SLC6A18: variants seen among roughly 807,000 people sequenced by gnomAD.
SLC6A18 encodes solute carrier family 6 member 18.
In SLC6A18, 58 loss-of-function variants were observed where a neutral mutation model predicts 62.9. That is an observed-to-expected ratio of 0.92 (90% CI 0.75 to 1.15). The LOEUF (loss-of-function observed/expected upper bound fraction) is 1.15, where lower values mean the gene tolerates loss of function less well. SLC6A18 is among the 50% of genes most tolerant of loss of function. The pLI, the probability that SLC6A18 is intolerant of heterozygous loss-of-function variation, is 0.00. For synonymous variants in SLC6A18, 382 were observed against 365.8 expected, an observed-to-expected ratio of 1.04 and a Z score of -0.51; for missense variants, 793 against 836.6, an observed-to-expected ratio of 0.95 and a Z score of 0.64.
intron 3 of SLC6A18, among the ~76,000 whole-genome samples, chr5:1,233,651 A>G (rs1746796631): frequency 7.1e-6 from 1 of 140,678 alleles, no homozygotes; most frequent in African/African-American, 2.7e-5. Context: ...TGGTGCAAGC[A>G]TGGCTCACTG....
Position 1,240,667 on chromosome 5 carries a change from C to T in SLC6A18, c.974+8C>T, listed in dbSNP as rs1296589251. ...CGAGCACTGCCTGGACAGGTGAGCA[C>T]AGGTGCCGCGCCTGGCTCTGTGGGG... is the stretch of plus-strand genomic sequence containing the variant. On this transcript the variant is annotated splice_region_variant and intron_variant, in intron 7 of 11. Transcript: ENST00000324642. 6.2e-7 allele frequency: 1 copy of T among 1,613,336 alleles called. No individual in the cohort carries two copies. The highest frequency in any genetic ancestry group is 1.1e-5 in the South Asian group (1 of 91,044).
intron 3 of SLC6A18, among the ~76,000 whole-genome samples, chr5:1,234,970 G>A (rs1316344213): frequency 6.6e-6 from 1 of 152,234 alleles, no homozygotes; most frequent in Non-Finnish European, 1.5e-5. Flanking sequence ...TGTCACGGGA[G>A]CCTGCTGTTG....
At chr5:1,229,012 C>T (rs759947407) in intron 1 of SLC6A18, among the ~76,000 whole-genome samples, 1 of 152,234 alleles carries the variant, frequency 6.6e-6, no homozygotes, top group Non-Finnish European at 1.5e-5. Flanking sequence ...CAGTGAGACC[C>T]GTGCCCACGC....
intron 11 of SLC6A18, 24 bp from the exon 12 acceptor site, chr5:1,245,824 G>A (rs1344012185): frequency 1.9e-6 from 3 of 1,591,864 alleles, no homozygotes; most frequent in African/African-American, 1.3e-5. Flanking sequence ...GCCGGCGCCA[G>A]CTAATGAGGC....
At chr5:1,235,140 C>T (rs529713544) in intron 3 of SLC6A18, among the ~76,000 whole-genome samples, 1 of 152,348 alleles carries the variant, frequency 6.6e-6, no homozygotes, top group South Asian at 2.1e-4. Context: ...TCCAGTGCTC[C>T]TGTGCCATCC....
Position 1,245,546 on chromosome 5 carries a change from G to A in SLC6A18, c.1657-302G>A, listed in dbSNP as rs534248920. Among the ~76,000 whole-genome samples, 51 of 152,314 alleles carry A rather than the reference G, an allele frequency of 3.3e-4. No individual in the cohort carries two copies. In the South Asian group the frequency reaches 0.01, roughly 31 times the overall value. ...TATAGGGGAGAAAGCTGGGGACACG[G>A]CCTCCAACGACGCCCAATGGGTTGA... On this transcript the variant is annotated intron_variant, in intron 11 of 11. Coordinates refer to ENST00000324642, the MANE Select transcript of SLC6A18 (RefSeq NM_182632.3).
At position 1,239,508 on chromosome 5, in the gene SLC6A18, C is replaced by T. The variant is rs745618891; in HGVS notation, c.791C>T (p.Ser264Phe). The T allele has an allele frequency of 6.2e-6, 10 of 1,614,220 alleles. No individual in the cohort carries two copies. The South Asian group carries it at 9.9e-5, about 16-fold the overall frequency. The change falls in exon 6 of 12, where the codon TCT becomes TTT. Residue 264 changes from serine (S) to phenylalanine (F), a missense_variant. Transcript: ENST00000324642. ...WLDAATQIFFSLSLAFGGHIA... is the reference protein window; with the variant it reads ...WLDAATQIFFFLSLAFGGHIA... ...GACGCAGCCACCCAGATATTCTTCT[C>T]TCTGTCCCTGGCCTTCGGAGGACAC...
intron 6 of SLC6A18, among the ~76,000 whole-genome samples, chr5:1,239,903 T>C (rs1747008863): frequency 6.6e-6 from 1 of 152,262 alleles, no homozygotes; most frequent in African/African-American, 2.4e-5. Flanking sequence ...TTATGATATC[T>C]TAATATGCAC....
At position 1,243,728 on chromosome 5, in the gene SLC6A18, G is replaced by C; in HGVS notation, c.1305G>C (p.Leu435=). ...VITPLLDVGV[L]PRWVPKEALT... is the part of the protein sequence containing the mutation. ...CACCCCTGCTGGACGTGGGGGTCCT[G>C]CCTAGATGGGTCCCCAAGGAGGCCC... is the stretch of plus-strand genomic sequence containing the variant. The change falls in exon 9 of 12, where the codon CTG becomes CTC. Residue 435 remains leucine (L), a synonymous_variant. Coordinates refer to ENST00000324642, the MANE Select transcript of SLC6A18 (RefSeq NM_182632.3). This position sits in a 1 kb window ranked among gnomAD's most constrained non-coding sequence, Gnocchi z 6.5. 2 of 1,611,140 alleles carry C rather than the reference G, an allele frequency of 1.2e-6. No individual in the cohort carries two copies. The highest frequency in any genetic ancestry group is 8.5e-7 in the Non-Finnish European group (1 of 1,178,282).
Position 1,232,873 on chromosome 5 carries a change from G to T in SLC6A18, c.424G>T (p.Asp142Tyr). ...HPLPWSSCPP[D>Y]LNRTGFVEEC... ...GCTGCCCTGGAGCTCCTGCCCACCG[G>T]ACCTCAACAGAACAGGTGAGCTGGG... Residue 142 changes from aspartate (D) to tyrosine (Y), a missense_variant, in exon 3 of 12, where the codon GAC becomes TAC. By Grantham distance (160) the Asp-to-Tyr change is radical (BLOSUM62 -3). Coordinates refer to ENST00000324642, the MANE Select transcript of SLC6A18 (RefSeq NM_182632.3). 6.2e-7 allele frequency: 1 copy of T among 1,612,286 alleles called. No homozygotes were observed. Among genetic ancestry groups the T allele is most frequent in the South Asian group, 1.1e-5 (1 of 90,882 alleles).
chr5:1,235,665 GA>G lies in SLC6A18; in HGVS notation c.621+4del. On this transcript the variant is annotated splice_donor_region_variant and intron_variant, in intron 4 of 11. Transcript: ENST00000324642. ...GGGGCATTGAGACTACAGGGAAGGT[GA>G]GAGCTGGCAGGGCCTGATCCCCTCT... 1 of 1,613,600 alleles carries G rather than the reference GA, an allele frequency of 6.2e-7. No homozygotes were observed. The highest frequency in any genetic ancestry group is 8.5e-7 in the Non-Finnish European group (1 of 1,179,868).
rs1008529871 is a variant in SLC6A18, at chr5:1,225,543, C to A, written c.66C>A (p.Asp22Glu). 1.2e-6 allele frequency: 2 copies of A among 1,613,286 alleles called. No individual in the cohort carries two copies. Among genetic ancestry groups the A allele is most frequent in the African/African-American group, 1.3e-5 (1 of 74,922 alleles). ...CDLGDERPKWDNKAQYLLSCT... is the reference protein window; with the variant it reads ...CDLGDERPKWENKAQYLLSCT... ...TCGGGGATGAGAGGCCCAAGTGGGA[C>A]AACAAGGCCCAGTACCTCCTGAGCT... is the stretch of plus-strand genomic sequence containing the variant. The change falls in exon 1 of 12, where the codon GAC becomes GAA. Residue 22 changes from aspartate to glutamate, a missense_variant. Asp to Glu is a conservative substitution (Grantham distance 45, BLOSUM62 2). Transcript: ENST00000324642.
chr5:1,242,856 T>C lies in SLC6A18; in HGVS notation c.1124T>C (p.Leu375Pro). The change falls in exon 8 of 12, where the codon CTG becomes CCG. Residue 375 changes from leucine (L) to proline (P), a missense_variant. Transcript: ENST00000324642. ...AAGGCCTGCCTCCTGGAAGACTTTC[T>C]GGATAAGGTACCTGCACACCCCCTG... is the stretch of plus-strand genomic sequence containing the variant. The part of the protein sequence containing the change: ...PLKACLLEDF[L>P]DKSASGPGLA... 1 of 1,609,594 alleles carries C rather than the reference T, an allele frequency of 6.2e-7. No individual in the cohort carries two copies. The highest frequency in any genetic ancestry group is 2.2e-5 in the East Asian group (1 of 44,792).
In SLC6A18 at chr5:1,225,402, G is replaced by T. The variant is rs1335712721; in HGVS notation, c.-76G>T. 1 of 1,457,304 alleles carries T rather than the reference G, an allele frequency of 6.9e-7. No individual in the cohort carries two copies. Among genetic ancestry groups the T allele is most frequent in the Non-Finnish European group, 9.2e-7 (1 of 1,092,274 alleles). 90.3% of individuals were successfully genotyped at this position (1,457,304 alleles called of 1,614,324 possible). On this transcript the variant is annotated 5_prime_UTR_variant, in exon 1 of 12. Coordinates refer to ENST00000324642, the MANE Select transcript of SLC6A18 (RefSeq NM_182632.3). ...TTGTGGTTTCCAAACGTCGGCAGAG[G>T]CTGGAGACGGCTCTCTAGTGCTGGG...
chr5:1,245,323 C>T (rs1404040897), intron 11 of SLC6A18, among the ~76,000 whole-genome samples: 17 of 152,140 alleles, frequency 1.1e-4, no homozygotes, highest in Admixed American at 1.1e-3. Flanking sequence ...CCTGACATAC[C>T]ATCTGAGTCC....
At chr5:1,244,827 C>G in intron 11 of SLC6A18, 60 bp downstream of exon 11, 4 of 1,528,106 alleles carry the variant, frequency 2.6e-6, no homozygotes, top group Non-Finnish European at 3.5e-6. Flanking sequence ...GGTCTGGCCC[C>G]TACGGTGCCA....
At chr5:1,236,181 C>T (rs975406281) in intron 4 of SLC6A18, among the ~76,000 whole-genome samples, 2 of 151,878 alleles carry the variant, frequency 1.3e-5, no homozygotes, top group South Asian at 2.1e-4. Flanking sequence ...TTCAGGATCC[C>T]GCTCTATCTC....
rs537329664 is a variant in SLC6A18 at position 1,241,584 on chromosome 5, C to T, written c.974+925C>T. Among the ~76,000 whole-genome samples the T allele has an allele frequency of 2.0e-5, 3 of 152,218 alleles. No individual in the cohort carries two copies. Among genetic ancestry groups the T allele is most frequent in the South Asian group, 4.2e-4 (2 of 4,812 alleles). ...TTCAACGGGGACGTCACCAAGAAAA[C>T]GCACACAAAAGTGGAAAACATGGCA... On this transcript the variant is annotated intron_variant, in intron 7 of 11. Transcript: ENST00000324642. This position sits in a 1 kb window ranked among gnomAD's most constrained non-coding sequence, Gnocchi z 7.8.
At chr5:1,232,948 AG>A in intron 3 of SLC6A18, 60 bp downstream of exon 3, 1 of 1,545,996 alleles carries the variant, frequency 6.5e-7, no homozygotes. Flanking sequence ...CATGTGCTGC[AG>A]CGTGTCCAGC....
Sources: allele counts gnomAD v4.1 joint callset (sites outside exome capture counted in the v4.1 genomes callset), GRCh38; gene constraint gnomAD v4.1.1; non-coding constraint Gnocchi (gnomAD v3.1); transcripts MANE v1.5; gene names NCBI Gene and HGNC (gene_info 2026-07-23, HGNC 2026-07-21).